Variants in DLG2 observed in about 807,000 individuals in gnomAD.
DLG2 encodes the protein disks large homolog 2.
DLG2 carries 45 observed loss-of-function variants against 132.5 expected under a neutral mutation model. The ratio of observed to expected loss-of-function variants is 0.34; its 90% CI spans 0.27 to 0.44. DLG2 has a LOEUF of 0.44. DLG2 is among the 20% of genes least tolerant of loss of function. DLG2 has a pLI of 1.00. For synonymous variants in DLG2, 424 were observed against 419.6 expected (o/e 1.01, Z -0.13); for missense variants, 1,045 against 1,196.9 (o/e 0.87, Z 1.87).
intron 3 of DLG2, among the ~76,000 whole-genome samples, chr11:85,527,332 GCT>G (rs573593811): frequency 1.6e-3 from 242 of 151,948 alleles, no homozygotes; most frequent in Non-Finnish European, 3.1e-3. Flanking sequence ...TTGTCCTAAT[GCT>G]CTCTCTCCCC....
At chr11:84,013,719 C>T (rs778698855) in intron 11 of DLG2, among the ~76,000 whole-genome samples, 58 of 151,432 alleles carry the variant, frequency 3.8e-4, no homozygotes, top group Non-Finnish European at 7.2e-4. Flanking sequence ...ATACAAAAAT[C>T]AGCTGGGTAT....
chr11:83,702,883 T>C (rs572937140), intron 18 of DLG2, among the ~76,000 whole-genome samples: 2 of 152,340 alleles, frequency 1.3e-5, no homozygotes, highest in African/African-American at 2.4e-5. Context: ...TCCATACAAA[T>C]TTTATTAGTT....
chr11:83,723,282 A>T (rs1566706425), intron 18 of DLG2, among the ~76,000 whole-genome samples: 1 of 152,180 alleles, frequency 6.6e-6, no homozygotes, highest in Non-Finnish European at 1.5e-5. Context: ...TGGGAGGCTG[A>T]GGCAGAAGAA....
intron 3 of DLG2, among the ~76,000 whole-genome samples, chr11:85,530,480 C>G (rs965520277): frequency 5.9e-5 from 9 of 151,908 alleles, no homozygotes; most frequent in Admixed American, 2.6e-4. Flanking sequence ...GCCACCACGC[C>G]CAGCTAATTT....
In DLG2 at chr11:83,980,670, G is replaced by A. The variant is rs1480717990; in HGVS notation, c.920-28C>T. On this transcript the variant is annotated intron_variant, in intron 11 of 27. Coordinates refer to ENST00000376104, the MANE Select transcript of DLG2 (RefSeq NM_001142699.3). ...ATAAGAAAGGAACAGAAAATGGAAA[G>A]CCTTGTTTTGTTGTTGTAGTTGTTT... 4.0e-6 allele frequency: 6 copies of A among 1,505,490 alleles called. No homozygotes were observed. In the African/African-American group the frequency reaches 8.6e-5, roughly 22 times the overall value. The allele number at this position is 1,505,490 out of a possible 1,614,324, so 93.3% of individuals were successfully genotyped here.
At chr11:85,611,531 G>A (rs2153273982) in intron 2 of DLG2, among the ~76,000 whole-genome samples, 1 of 152,360 alleles carries the variant, frequency 6.6e-6, no homozygotes, top group Non-Finnish European at 1.5e-5. Context: ...CATTTGTGGA[G>A]AATGGGATAC....
chr11:85,422,896 C>T (rs1212759421), intron 3 of DLG2, among the ~76,000 whole-genome samples: 3 of 151,950 alleles, frequency 2.0e-5, no homozygotes, highest in African/African-American at 7.3e-5. Flanking sequence ...TCTCTTGTGC[C>T]TCCCTGATTA....
intron 4 of DLG2, among the ~76,000 whole-genome samples, chr11:85,194,722 T>TA (rs2080897606): frequency 6.6e-6 from 1 of 151,958 alleles, no homozygotes; most frequent in Admixed American, 6.6e-5. Context: ...TCCTCCTGGC[T>TA]AAGCCCCTAG....
At chr11:83,496,033 TGAAAA>T (rs1486817225) in intron 21 of DLG2, among the ~76,000 whole-genome samples, 1 of 151,900 alleles carries the variant, frequency 6.6e-6, no homozygotes, top group Non-Finnish European at 1.5e-5. Context: ...ATTTAAAAAA[TGAAAA>T]GACAAGTCAC....
chr11:84,312,279 G>A (rs1169213750), intron 7 of DLG2, among the ~76,000 whole-genome samples: 1 of 152,090 alleles, frequency 6.6e-6, no homozygotes, highest in African/African-American at 2.4e-5. Flanking sequence ...GACCAGACTG[G>A]CCAATATGGT....
chr11:85,309,606 T>C (rs2080187447), intron 3 of DLG2, among the ~76,000 whole-genome samples: 1 of 152,138 alleles, frequency 6.6e-6, no homozygotes, highest in African/African-American at 2.4e-5. Context: ...AGGCCCTTCA[T>C]AGCCTGCTTA....
At chr11:84,963,932 CTT>C (rs2052960920) in intron 6 of DLG2, among the ~76,000 whole-genome samples, 1 of 152,092 alleles carries the variant, frequency 6.6e-6, no homozygotes, top group Non-Finnish European at 1.5e-5. Context: ...GTAATGGAAA[CTT>C]TTAGAACTAG....
At chr11:84,109,536 A>T (rs893165848) in intron 9 of DLG2, among the ~76,000 whole-genome samples, 1 of 152,220 alleles carries the variant, frequency 6.6e-6, no homozygotes, top group Admixed American at 6.5e-5. Context: ...ATCTGATTTA[A>T]GATGTTGTCA....
intron 4 of DLG2, among the ~76,000 whole-genome samples, chr11:85,272,859 C>A (rs929376063): frequency 2.0e-5 from 3 of 152,088 alleles, no homozygotes; most frequent in African/African-American, 7.2e-5. Flanking sequence ...AACTATGTTA[C>A]AAGGCTACAG....
intron 6 of DLG2, among the ~76,000 whole-genome samples, chr11:85,033,430 G>T (rs1036834694): frequency 1.3e-5 from 2 of 149,844 alleles, no homozygotes; most frequent in South Asian, 2.1e-4. Flanking sequence ...ATCTGGTAAG[G>T]ATAAAAAAAT....
intron 6 of DLG2, among the ~76,000 whole-genome samples, chr11:84,582,116 G>A (rs1565364241): frequency 6.6e-6 from 1 of 151,798 alleles, no homozygotes; most frequent in African/African-American, 2.4e-5. Context: ...AAAGTTAGGT[G>A]AGACGAACTA....
intron 6 of DLG2, among the ~76,000 whole-genome samples, chr11:84,942,332 A>G (rs1307948765): frequency 6.6e-6 from 1 of 151,570 alleles, no homozygotes; most frequent in Non-Finnish European, 1.5e-5. Context: ...GTTTATTTGA[A>G]GTTTTTCTAC....
chr11:84,345,837 T>C (rs1201212350), intron 7 of DLG2, among the ~76,000 whole-genome samples: 1 of 152,210 alleles, frequency 6.6e-6, no homozygotes, highest in Non-Finnish European at 1.5e-5. Context: ...TTATTGCTGA[T>C]AATTGCTTTT....
chr11:85,436,199 T>C (rs144230734), intron 3 of DLG2, among the ~76,000 whole-genome samples: 24 of 152,244 alleles, frequency 1.6e-4, no homozygotes, highest in African/African-American at 4.8e-4. Context: ...CCCAAAACCA[T>C]AGACACCGTA....
Sources: gnomAD v4.1 joint callset for allele counts (sites outside exome capture counted in the v4.1 genomes callset) on GRCh38, gnomAD v4.1.1 for gene constraint, MANE v1.5 for transcripts, NCBI Gene and HGNC (gene_info 2026-07-23, HGNC 2026-07-21) for gene names.